ZNF385B: variants seen among roughly 807,000 people sequenced by gnomAD.
ZNF385B encodes the protein zinc finger protein 533.
ZNF385B carries 23 observed loss-of-function variants against 39.2 expected under a neutral mutation model. The observed-to-expected ratio is 0.59, with a 90% CI of 0.42 to 0.83. The LOEUF is 0.83. Ranked by LOEUF, ZNF385B falls within the 40% of genes least tolerant of loss-of-function variation. The pLI is 0.00. For synonymous variants in ZNF385B, 205 were observed against 222.6 expected (o/e 0.92, Z 0.70); for missense variants, 552 against 598.9 (o/e 0.92, Z 0.82).
intron 3 of ZNF385B, among the ~76,000 whole-genome samples, chr2:179,760,947 G>C (rs1398278372): frequency 1.3e-5 from 2 of 151,540 alleles, no homozygotes; most frequent in Admixed American, 6.6e-5. Flanking sequence ...AAGTTTATTT[G>C]TTTTGTTGCC....
intron 1 of ZNF385B, among the ~76,000 whole-genome samples, chr2:179,826,047 C>A (rs1247762383): frequency 1.3e-5 from 2 of 152,058 alleles, no homozygotes; most frequent in African/African-American, 4.8e-5. Flanking sequence ...TTTTACATCA[C>A]CTCTGTGAGC....
In ZNF385B at chr2:179,818,948, T is replaced by A. The variant is rs544486336; in HGVS notation, c.-155+42153A>T. On this transcript the variant is annotated intron_variant, in intron 1 of 9. Transcript: ENST00000410066. ...GGGTAGAAAGTAACTAAGGTAGGCT[T>A]TCTTTTTGGAATTCGGCTATTATTT... Among the ~76,000 whole-genome samples, 14 of 152,168 alleles carry A rather than the reference T, an allele frequency of 9.2e-5. No individual in the cohort carries two copies. In the South Asian group the frequency reaches 2.5e-3, roughly 27 times the overall value.
intron 1 of ZNF385B, among the ~76,000 whole-genome samples, chr2:179,817,731 CTGTG>C (rs1445773497): frequency 2.6e-5 from 4 of 151,190 alleles, no homozygotes; most frequent in South Asian, 2.1e-4. Flanking sequence ...ACATGACTGG[CTGTG>C]TGTGTGTCTG....
intron 3 of ZNF385B, among the ~76,000 whole-genome samples, chr2:179,751,086 A>G (rs1702641219): frequency 6.6e-6 from 1 of 152,084 alleles, no homozygotes; most frequent in South Asian, 2.1e-4. Flanking sequence ...CCAGACATGG[A>G]CAATATTAAT....
At chr2:179,786,979 A>C (rs1299760379) in intron 1 of ZNF385B, among the ~76,000 whole-genome samples, 1 of 152,174 alleles carries the variant, frequency 6.6e-6, no homozygotes, top group Non-Finnish European at 1.5e-5. Flanking sequence ...GCATATTTTC[A>C]AACGCACTTA....
At chr2:179,545,293 C>T (rs546541798) in intron 3 of ZNF385B, among the ~76,000 whole-genome samples, 6 of 152,240 alleles carry the variant, frequency 3.9e-5, no homozygotes, top group Admixed American at 2.6e-4. Flanking sequence ...GCCTCTGACT[C>T]GCCAAAAGTG....
chr2:179,559,063 G>A (rs1168293181), intron 3 of ZNF385B, among the ~76,000 whole-genome samples: 1 of 152,212 alleles, frequency 6.6e-6, no homozygotes, highest in Non-Finnish European at 1.5e-5. Context: ...ATTAGAATTA[G>A]TACGAATTTC....
At chr2:179,569,352 T>C (rs1344957965) in intron 3 of ZNF385B, among the ~76,000 whole-genome samples, 1 of 152,204 alleles carries the variant, frequency 6.6e-6, no homozygotes, top group Non-Finnish European at 1.5e-5. Flanking sequence ...ATATTTTACT[T>C]TTAAACATTA....
intron 3 of ZNF385B, 150 bp from the exon 4 acceptor site, chr2:179,545,119 A>G: frequency 1.1e-6 from 1 of 892,436 alleles, no homozygotes. Flanking sequence ...AGTAGTAAAC[A>G]CAATAAAAAG....
rs555021551 is a variant in ZNF385B at position 179,803,089 on chromosome 2, G to A, written c.-154-32417C>T. Among the ~76,000 whole-genome samples the A allele has an allele frequency of 6.6e-5, 10 of 152,188 alleles. No individual in the cohort carries two copies. In the East Asian group the frequency reaches 1.5e-3, roughly 24 times the overall value. ...AACATTTTTATCATCCTCATGTTAC[G>A]ATGAAGAAACTGAGGCCAGAGAGCT... On this transcript the variant is annotated intron_variant, in intron 1 of 9. Transcript: ENST00000410066.
chr2:179,657,875 G>T, intron 3 of ZNF385B, among the ~76,000 whole-genome samples: 1 of 152,132 alleles, frequency 6.6e-6, no homozygotes, highest in Non-Finnish European at 1.5e-5. Flanking sequence ...AGGACAAGTA[G>T]TTTTCGTGAA....
intron 3 of ZNF385B, among the ~76,000 whole-genome samples, chr2:179,749,948 A>G (rs889066353): frequency 7.2e-5 from 11 of 152,142 alleles, no homozygotes; most frequent in African/African-American, 2.7e-4. Flanking sequence ...GTCCTTCACT[A>G]AAAAAGGGTC....
intron 1 of ZNF385B, among the ~76,000 whole-genome samples, chr2:179,812,693 C>T (rs1706813323): frequency 2.0e-5 from 3 of 152,148 alleles, no homozygotes; most frequent in African/African-American, 7.2e-5. Flanking sequence ...GAGTACTATG[C>T]TCAGTACCTA....
At chr2:179,765,091 C>T (rs752741066) in intron 3 of ZNF385B, among the ~76,000 whole-genome samples, 13 of 152,168 alleles carry the variant, frequency 8.5e-5, no homozygotes, top group Non-Finnish European at 1.5e-4. Flanking sequence ...AATTGGAGGC[C>T]TCCATAATTG....
intron 1 of ZNF385B, among the ~76,000 whole-genome samples, chr2:179,781,530 A>T (rs749349936): frequency 1.3e-5 from 2 of 152,240 alleles, no homozygotes; most frequent in African/African-American, 2.4e-5. Context: ...TGTTAAAGAA[A>T]AAATAATAAA....
intron 5 of ZNF385B, among the ~76,000 whole-genome samples, chr2:179,516,695 T>C (rs538029299): frequency 6.2e-4 from 95 of 152,208 alleles, no homozygotes; most frequent in African/African-American, 2.2e-3. Flanking sequence ...TAGTAGTCTA[T>C]AGCTTGTTTT....
At chr2:179,823,037 A>T (rs918074836) in intron 1 of ZNF385B, among the ~76,000 whole-genome samples, 1 of 152,186 alleles carries the variant, frequency 6.6e-6, no homozygotes, top group Non-Finnish European at 1.5e-5. Context: ...GGAGAAAAAC[A>T]GTAAGTGTTC....
At chr2:179,670,126 C>T (rs1353450606) in intron 3 of ZNF385B, among the ~76,000 whole-genome samples, 3 of 151,748 alleles carry the variant, frequency 2.0e-5, no homozygotes, top group African/African-American at 7.3e-5. Context: ...CCCGTCTCTA[C>T]TAAAAATACA....
chr2:179,646,864 A>G (rs994945711), intron 3 of ZNF385B, among the ~76,000 whole-genome samples: 7 of 152,242 alleles, frequency 4.6e-5, no homozygotes, highest in African/African-American at 1.4e-4. Context: ...CTATTGCATG[A>G]ATAAATTTAT....
Sources: allele counts gnomAD v4.1 joint callset (sites outside exome capture counted in the v4.1 genomes callset), GRCh38; gene constraint gnomAD v4.1.1; transcripts MANE v1.5; gene names NCBI Gene and HGNC (gene_info 2026-07-23, HGNC 2026-07-21).